Variants in RARB observed in about 807,000 individuals in gnomAD.
RARB encodes retinoic acid receptor beta.
RARB carries 17 observed loss-of-function variants against 51.9 expected under a neutral mutation model. The ratio of observed to expected loss-of-function variants is 0.33; its 90% CI spans 0.22 to 0.49. The LOEUF is 0.49. Ranked by LOEUF, RARB falls within the 20% of genes least tolerant of loss-of-function variation. RARB has a pLI of 0.99. For missense variants in RARB, 369 were observed against 550.8 expected (o/e 0.67, Z 3.30); for synonymous variants, 215 against 195.4 (o/e 1.10, Z -0.84).
chr3:25,512,599 CG>C (rs1697950502), intron 3 of RARB, among the ~76,000 whole-genome samples: 1 of 152,228 alleles, frequency 6.6e-6, no homozygotes, highest in Admixed American at 6.5e-5. Context: ...CATCCTTAGG[CG>C]GTGCCTGCTG....
intron 2 of RARB, among the ~76,000 whole-genome samples, chr3:25,031,106 G>C (rs1439230204): frequency 6.6e-6 from 1 of 152,128 alleles, no homozygotes; most frequent in African/African-American, 2.4e-5. Flanking sequence ...AGGATGTTGA[G>C]CAGCATCCCC....
intron 5 of RARB, among the ~76,000 whole-genome samples, chr3:25,202,439 G>A (rs1006921506): frequency 2.0e-5 from 3 of 152,192 alleles, no homozygotes; most frequent in Non-Finnish European, 4.4e-5. Flanking sequence ...ATCTCCTTCA[G>A]TTCTGCTCTG....
intron 5 of RARB, among the ~76,000 whole-genome samples, chr3:25,186,096 A>T (rs1268681839): frequency 2.0e-5 from 3 of 151,346 alleles, no homozygotes; most frequent in Admixed American, 6.6e-5. Flanking sequence ...ATATAAGAGC[A>T]TAAAGTATGT....
At chr3:25,157,113 A>C (rs73050342) in intron 4 of RARB, among the ~76,000 whole-genome samples, 14,301 of 152,256 alleles carry the variant, frequency 0.094, 886 homozygotes, top group South Asian at 0.24. Context: ...TACATCTGAT[A>C]TAAATAAATG....
intron 1 of RARB, among the ~76,000 whole-genome samples, chr3:24,830,224 G>A (rs948550889): frequency 1.5e-4 from 23 of 151,848 alleles, no homozygotes; most frequent in African/African-American, 4.8e-4. Flanking sequence ...GAAAAACAGA[G>A]AAGAGAGAGG....
chr3:25,058,108 A>G (rs1449076833), intron 2 of RARB, among the ~76,000 whole-genome samples: 2 of 151,960 alleles, frequency 1.3e-5, no homozygotes, highest in African/African-American at 4.8e-5. Context: ...AATGGCACTG[A>G]GTTGCCATTT....
At chr3:25,408,806 C>T (rs747289768) in intron 5 of RARB, among the ~76,000 whole-genome samples, 62 of 152,096 alleles carry the variant, frequency 4.1e-4, no homozygotes, top group Admixed American at 2.1e-3. Flanking sequence ...GAGGCTGAGG[C>T]GGGCAGATCA....
At chr3:24,910,988 C>CT (rs1373656253) in intron 2 of RARB, among the ~76,000 whole-genome samples, 9 of 152,180 alleles carry the variant, frequency 5.9e-5, no homozygotes, top group Non-Finnish European at 1.2e-4. Flanking sequence ...AGTTTTATGC[C>CT]TGTAACTATT....
intron 5 of RARB, among the ~76,000 whole-genome samples, chr3:25,394,826 T>C (rs1707072683): frequency 6.6e-6 from 1 of 152,178 alleles, no homozygotes; most frequent in African/African-American, 2.4e-5. Context: ...AGGCAGCAGA[T>C]ACTTGGTTGC....
chr3:25,535,074 G>A (rs1325201739), intron 3 of RARB, among the ~76,000 whole-genome samples: 4 of 152,182 alleles, frequency 2.6e-5, no homozygotes, highest in Non-Finnish European at 5.9e-5. Context: ...TCAGGTTTGA[G>A]TTGCCCAGTG....
At chr3:25,096,497 C>T (rs1699294546) in intron 3 of RARB, among the ~76,000 whole-genome samples, 1 of 152,076 alleles carries the variant, frequency 6.6e-6, no homozygotes, top group Admixed American at 6.6e-5. Flanking sequence ...CAAAATATCC[C>T]CCTGTAATTT....
rs146749742 is a variant in RARB, at chr3:25,081,924, T to G, written c.-328+21748T>G. On this transcript the variant is annotated intron_variant, in intron 3 of 11. Coordinates refer to the RARB transcript ENST00000383772. ...CTGGGATTACAGGCGTGAGCCACTG[T>G]GCCCGGCCTGCTTCATATATTTTTA... Among the ~76,000 whole-genome samples, 411 of 151,904 alleles carry G rather than the reference T, an allele frequency of 2.7e-3. 1 individual carries two copies. The highest frequency in any genetic ancestry group is 9.6e-3 in the African/African-American group (400 of 41,498).
At chr3:25,104,414 T>C (rs2125322510) in intron 3 of RARB, among the ~76,000 whole-genome samples, 1 of 152,224 alleles carries the variant, frequency 6.6e-6, no homozygotes, top group Non-Finnish European at 1.5e-5. Flanking sequence ...GGGAGAGCGG[T>C]GCAGATTGCT....
At chr3:24,931,083 G>A (rs1404262475) in intron 2 of RARB, among the ~76,000 whole-genome samples, 1 of 152,058 alleles carries the variant, frequency 6.6e-6, no homozygotes, top group Non-Finnish European at 1.5e-5. Context: ...CAACTCTTAA[G>A]TAGAGAAGCT....
chr3:25,324,992 C>T (rs546222510), intron 5 of RARB, among the ~76,000 whole-genome samples: 1 of 152,272 alleles, frequency 6.6e-6, no homozygotes, highest in Admixed American at 6.5e-5. Flanking sequence ...AAAGTGAAAG[C>T]AAGTTTATTA....
intron 3 of RARB, among the ~76,000 whole-genome samples, chr3:25,068,840 C>T (rs1284318292): frequency 1.3e-5 from 2 of 151,772 alleles, no homozygotes; most frequent in African/African-American, 4.8e-5. Flanking sequence ...TCAGGATGGC[C>T]AATTCTTTAT....
rs116199914 is a variant in RARB at position 25,596,864 on chromosome 3, A to C, written c.*248A>C. 5.7e-6 allele frequency: 2 copies of C among 351,572 alleles called. No individual in the cohort carries two copies. The highest frequency in any genetic ancestry group is 1.0e-5 in the Non-Finnish European group (2 of 193,946). 21.8% of individuals were successfully genotyped at this position (351,572 alleles called of 1,614,324 possible). A position where few individuals can be genotyped will look rare whatever the true frequency, so the allele number is the denominator to read the frequency against. On this transcript the variant is annotated 3_prime_UTR_variant, in exon 8 of 8. Transcript: ENST00000330688. ...AACCAGAAACTAGTTAAAAGCTTCTATTTTCCTCTTTGAACACTCAAGATT... is the reference window on the plus strand; with the variant it reads ...AACCAGAAACTAGTTAAAAGCTTCTCTTTTCCTCTTTGAACACTCAAGATT...
At chr3:24,836,328 G>A (rs1444526394) in intron 1 of RARB, among the ~76,000 whole-genome samples, 1 of 152,150 alleles carries the variant, frequency 6.6e-6, no homozygotes. Context: ...GGCAATCAGT[G>A]CTGTGTGTCT....
chr3:25,057,774 G>A (rs1453780452), intron 2 of RARB, among the ~76,000 whole-genome samples: 1 of 151,968 alleles, frequency 6.6e-6, no homozygotes, highest in Non-Finnish European at 1.5e-5. Flanking sequence ...CCAAATGATT[G>A]AGAAAGCTAA....
Sources: allele counts gnomAD v4.1 joint callset (sites outside exome capture counted in the v4.1 genomes callset), GRCh38; gene constraint gnomAD v4.1.1; transcripts MANE v1.5; gene names NCBI Gene and HGNC (gene_info 2026-07-23, HGNC 2026-07-21).